The following B3GAT2 variants were observed in gnomAD, a reference collection of about 807,000 sequenced individuals.
The protein encoded by B3GAT2 is galactosylgalactosylxylosylprotein 3-beta-glucuronosyltransferase 2.
Under a neutral mutation model 27.8 loss-of-function variants are expected in B3GAT2, and 26 were observed. The ratio of observed to expected loss-of-function variants is 0.93; its 90% CI spans 0.68 to 1.30. The LOEUF is 1.30. Among genes scored for constraint, B3GAT2 ranks in the 50% most tolerant of loss-of-function variants. The pLI, the probability that B3GAT2 is intolerant of heterozygous loss-of-function variation, is 0.00. For synonymous variants in B3GAT2, 218 were observed against 195.1 expected, an observed-to-expected ratio of 1.12 and a Z score of -0.98; for missense variants, 458 against 459.0, an observed-to-expected ratio of 1.00 and a Z score of 0.02.
At chr6:70,872,261 TG>T (rs1370428510) in intron 2 of B3GAT2, among the ~76,000 whole-genome samples, 1 of 151,948 alleles carries the variant, frequency 6.6e-6, no homozygotes, top group Non-Finnish European at 1.5e-5. Context: ...TCTATCTAGT[TG>T]TTCTGTCTAG....
chr6:70,858,232 A>AT lies in B3GAT2; in HGVS notation c.*3430_*3431insA, dbSNP rs776399319. 7.0e-7 allele frequency: 1 copy of AT among 1,418,744 alleles called. No individual in the cohort carries two copies. Among genetic ancestry groups the AT allele is most frequent in the Admixed American group, 1.9e-5 (1 of 53,454 alleles). 87.9% of individuals were successfully genotyped at this position (1,418,744 alleles called of 1,614,324 possible). A position where few individuals can be genotyped will look rare whatever the true frequency, so the allele number is the denominator to read the frequency against. On this transcript the variant is annotated 3_prime_UTR_variant, in exon 4 of 4. Transcript: ENST00000230053. The stretch of plus-strand genomic sequence containing the variant: ...AGCCCCAGTGGAGCCTCTCACAGGT[A>AT]GGGGTCATTTACTTTCTAGCTTCTC...
intron 1 of B3GAT2, among the ~76,000 whole-genome samples, chr6:70,901,362 C>G (rs1271287123): frequency 6.6e-6 from 1 of 151,996 alleles, no homozygotes; most frequent in East Asian, 1.9e-4. Flanking sequence ...ATAAAAGAAA[C>G]CAGGGATTCT....
At chr6:70,914,499 A>G (rs927369865) in intron 1 of B3GAT2, among the ~76,000 whole-genome samples, 3 of 152,180 alleles carry the variant, frequency 2.0e-5, no homozygotes, top group African/African-American at 7.2e-5. Context: ...TCCATGGTAT[A>G]TATGTGCCAC....
In B3GAT2 at chr6:70,956,182, T is replaced by C. The variant is rs759462366; in HGVS notation, c.248A>G (p.Tyr83Cys). Residue 83 changes from tyrosine to cysteine, a missense_variant, in exon 1 of 4, where the codon TAT becomes TGT. Transcript: ENST00000230053. ...PQPEPQLPTI[Y>C]AITPTYSRPV... ...GCGGCTGTAGGTGGGCGTGATGGCA[T>C]AGATGGTGGGCAGCTGCGGCTCCGG... The C allele has an allele frequency of 5.6e-6, 9 of 1,611,246 alleles. No individual in the cohort carries two copies. The highest frequency in any genetic ancestry group is 4.0e-5 in the African/African-American group (3 of 74,840).
At chr6:70,941,966 G>T (rs1399279291) in intron 1 of B3GAT2, among the ~76,000 whole-genome samples, 1 of 152,052 alleles carries the variant, frequency 6.6e-6, no homozygotes, top group African/African-American at 2.4e-5. Flanking sequence ...GTGCTCTAAA[G>T]GATCCACAAA....
In B3GAT2 at chr6:70,923,904, A is replaced by C. The variant is rs139517749; in HGVS notation, c.592-29632T>G. Among the ~76,000 whole-genome samples, 86 of 152,292 alleles carry C rather than the reference A, an allele frequency of 5.6e-4. No homozygotes were observed. In the East Asian group the frequency reaches 0.011, roughly 20 times the overall value. On this transcript the variant is annotated intron_variant, in intron 1 of 3. Transcript: ENST00000230053. ...TCTGTTTATATTGTTGTATGTACTT[A>C]AAGTTTCTCTCAGTCCTGGATTTTT... is the stretch of plus-strand genomic sequence containing the variant.
chr6:70,928,004 CA>C (rs1772992671), intron 1 of B3GAT2, among the ~76,000 whole-genome samples: 1 of 152,148 alleles, frequency 6.6e-6, no homozygotes, highest in African/African-American at 2.4e-5. Flanking sequence ...ATAGTGCAAT[CA>C]AATTGGAACT....
At chr6:70,927,105 C>T (rs1007322582) in intron 1 of B3GAT2, among the ~76,000 whole-genome samples, 2 of 152,134 alleles carry the variant, frequency 1.3e-5, no homozygotes, top group East Asian at 3.8e-4. Flanking sequence ...GAAATAAAAT[C>T]CTTTACAGAC....
chr6:70,896,852 G>A (rs1231086057), intron 1 of B3GAT2, among the ~76,000 whole-genome samples: 1 of 152,204 alleles, frequency 6.6e-6, no homozygotes, highest in Non-Finnish European at 1.5e-5. Context: ...TATTACAGAT[G>A]AAGCTGCTAC....
At position 70,860,676 on chromosome 6, in the gene B3GAT2, T is replaced by A; in HGVS notation, c.*987A>T. The A allele has an allele frequency of 7.2e-6, 3 of 415,796 alleles. No homozygotes were observed. 25.8% of individuals were successfully genotyped at this position (415,796 alleles called of 1,614,324 possible). A position where few individuals can be genotyped will look rare whatever the true frequency, so the allele number is the denominator to read the frequency against. On this transcript the variant is annotated 3_prime_UTR_variant, in exon 4 of 4. Transcript: ENST00000230053. ...AGGGAAGTAGTTATCATGTTAGTAA[T>A]ACCTCTAATAGTATAAACCCCACCC... is the stretch of plus-strand genomic sequence containing the variant.
chr6:70,916,282 A>C (rs1772772316), intron 1 of B3GAT2, among the ~76,000 whole-genome samples: 1 of 152,142 alleles, frequency 6.6e-6, no homozygotes, highest in East Asian at 1.9e-4. Flanking sequence ...GTTGTTTATC[A>C]GCTTAAGGAG....
In B3GAT2 at chr6:70,947,517, G is replaced by C. The variant is rs369033585; in HGVS notation, c.591+8322C>G. Reference sequence around the variant, plus strand: ...AAATTCCTCGACACATACACCCTCCGAAGACTAAACCAGGAAGAAGTTGAA... The same window carrying C: ...AAATTCCTCGACACATACACCCTCCCAAGACTAAACCAGGAAGAAGTTGAA... On this transcript the variant is annotated intron_variant, in intron 1 of 3. Transcript: ENST00000230053. Among the ~76,000 whole-genome samples, 375 of 151,760 alleles carry C rather than the reference G, an allele frequency of 2.5e-3. 2 individuals are homozygous for C. The highest frequency in any genetic ancestry group is 3.4e-3 in the Non-Finnish European group (234 of 67,874).
intron 1 of B3GAT2, among the ~76,000 whole-genome samples, chr6:70,899,420 C>CAA (rs1393222588): frequency 6.6e-6 from 1 of 152,180 alleles, no homozygotes; most frequent in East Asian, 1.9e-4. Context: ...TAGCACACTC[C>CAA]AAATTACTGA....
intron 2 of B3GAT2, among the ~76,000 whole-genome samples, chr6:70,885,778 A>G (rs1431371439): frequency 6.6e-6 from 1 of 152,184 alleles, no homozygotes; most frequent in African/African-American, 2.4e-5. Context: ...TCCCTAATCT[A>G]CAGGTATTAG....
chr6:70,900,799 T>C (rs1446034391), intron 1 of B3GAT2, among the ~76,000 whole-genome samples: 1 of 152,234 alleles, frequency 6.6e-6, no homozygotes, highest in Non-Finnish European at 1.5e-5. Context: ...ATGCCACTAG[T>C]TAAAATCTTG....
At chr6:70,871,033 T>C (rs1771926084) in intron 2 of B3GAT2, among the ~76,000 whole-genome samples, 1 of 152,092 alleles carries the variant, frequency 6.6e-6, no homozygotes, top group Admixed American at 6.5e-5. Flanking sequence ...TTTATTGTAT[T>C]GATATGGTGT....
chr6:70,937,803 A>G (rs1400753687), intron 1 of B3GAT2, among the ~76,000 whole-genome samples: 1 of 152,192 alleles, frequency 6.6e-6, no homozygotes, highest in Non-Finnish European at 1.5e-5. Flanking sequence ...ATCATACTGA[A>G]TGGGCAAAAA....
chr6:70,895,176 G>A (rs1178440502), intron 1 of B3GAT2, among the ~76,000 whole-genome samples: 1 of 152,188 alleles, frequency 6.6e-6, no homozygotes, highest in African/African-American at 2.4e-5. Flanking sequence ...TCACAGCTGG[G>A]TGTGCCTTGG....
intron 1 of B3GAT2, among the ~76,000 whole-genome samples, chr6:70,950,670 G>C (rs181386795): frequency 6.6e-6 from 1 of 152,130 alleles, no homozygotes; most frequent in African/African-American, 2.4e-5. Flanking sequence ...CTATATTACC[G>C]TCAGGTTGCA....
Sources: allele counts gnomAD v4.1 joint callset (sites outside exome capture counted in the v4.1 genomes callset), GRCh38; gene constraint gnomAD v4.1.1; transcripts MANE v1.5; gene names NCBI Gene and HGNC (gene_info 2026-07-23, HGNC 2026-07-21).